Variants in SPAG16 observed in about 807,000 individuals in gnomAD.
The protein encoded by SPAG16 is sperm associated antigen 16, also known as sperm-associated antigen 16 protein.
A neutral mutation model predicts 80.4 loss-of-function variants in SPAG16; 86 were observed. The ratio of observed to expected loss-of-function variants is 1.07; its 90% CI spans 0.90 to 1.28. The LOEUF (loss-of-function observed/expected upper bound fraction) is 1.28, where lower values mean the gene tolerates loss of function less well. Among genes scored for constraint, SPAG16 ranks in the 50% most tolerant of loss-of-function variants. The pLI is 0.00. For missense variants in SPAG16, 870 were observed against 765.3 expected (o/e 1.14, Z -1.61); for synonymous variants, 294 against 265.9 (o/e 1.11, Z -1.03).
chr2:213,928,439 A>G (rs1281542059), intron 11 of SPAG16, among the ~76,000 whole-genome samples: 2 of 151,780 alleles, frequency 1.3e-5, no homozygotes, highest in African/African-American at 4.8e-5. Context: ...TCATTATATA[A>G]TCCACCTTCT....
chr2:213,914,416 A>G (rs993063673), intron 11 of SPAG16, among the ~76,000 whole-genome samples: 1 of 152,038 alleles, frequency 6.6e-6, no homozygotes, highest in Non-Finnish European at 1.5e-5. Flanking sequence ...CTTAGCAGAA[A>G]TTTATTTATT....
intron 9 of SPAG16, among the ~76,000 whole-genome samples, chr2:213,416,089 A>T (rs1011927708): frequency 6.6e-6 from 1 of 152,242 alleles, no homozygotes; most frequent in Non-Finnish European, 1.5e-5. Flanking sequence ...GATGAGCAGG[A>T]TGTCACATAC....
intron 5 of SPAG16, among the ~76,000 whole-genome samples, chr2:213,335,401 T>C (rs1304883023): frequency 6.6e-6 from 1 of 152,150 alleles, no homozygotes; most frequent in Non-Finnish European, 1.5e-5. Context: ...TATGTAACTG[T>C]TACACTAAAA....
intron 9 of SPAG16, among the ~76,000 whole-genome samples, chr2:213,433,183 T>A (rs1470440250): frequency 6.6e-6 from 1 of 152,160 alleles, no homozygotes; most frequent in Non-Finnish European, 1.5e-5. Flanking sequence ...GCAATCCCTC[T>A]AAGAACTAGA....
chr2:214,039,593 C>G (rs1173761441), intron 13 of SPAG16, among the ~76,000 whole-genome samples: 1 of 152,168 alleles, frequency 6.6e-6, no homozygotes, highest in African/African-American at 2.4e-5. Context: ...TGAACTCCAA[C>G]AAATTTACAA....
intron 9 of SPAG16, among the ~76,000 whole-genome samples, chr2:213,432,778 G>C (rs890856318): frequency 6.6e-6 from 1 of 152,066 alleles, no homozygotes; most frequent in Non-Finnish European, 1.5e-5. Flanking sequence ...TGATACCAAA[G>C]ACCAGAGAGG....
intron 15 of SPAG16, among the ~76,000 whole-genome samples, chr2:214,269,973 T>C (rs76206873): frequency 6.6e-6 from 1 of 150,644 alleles, no homozygotes; most frequent in African/African-American, 2.4e-5. Context: ...GAGACAGAAC[T>C]TGGATTAAAG....
intron 9 of SPAG16, among the ~76,000 whole-genome samples, chr2:213,423,210 C>T (rs1187445664): frequency 6.6e-6 from 1 of 152,098 alleles, no homozygotes; most frequent in African/African-American, 2.4e-5. Flanking sequence ...CTATCTAAAA[C>T]CTGAATGTTC....
At chr2:213,468,017 G>A (rs1181741983) in intron 9 of SPAG16, among the ~76,000 whole-genome samples, 1 of 152,114 alleles carries the variant, frequency 6.6e-6, no homozygotes, top group African/African-American at 2.4e-5. Flanking sequence ...GACCAAAGTA[G>A]CCACTTTCAG....
intron 14 of SPAG16, among the ~76,000 whole-genome samples, chr2:214,119,773 C>T (rs1439133259): frequency 2.6e-5 from 4 of 152,064 alleles, no homozygotes; most frequent in East Asian, 1.9e-4. Context: ...ACGATAGTCT[C>T]TCATAGTTCT....
At chr2:213,304,529 T>C (rs1313495215) in intron 3 of SPAG16, among the ~76,000 whole-genome samples, 11 of 152,158 alleles carry the variant, frequency 7.2e-5, no homozygotes, top group Non-Finnish European at 1.5e-4. Context: ...TTTAAGTCTT[T>C]AATCCATTTT....
rs188795954 is a variant in SPAG16, at chr2:213,924,834, T to G, written c.1215-5126T>G. 1.2e-4 allele frequency among the ~76,000 whole-genome samples: 18 copies of G among 152,282 alleles called. No individual in the cohort carries two copies. The East Asian group carries it at 3.5e-3, about 29-fold the overall frequency. On this transcript the variant is annotated intron_variant, in intron 11 of 15. Coordinates refer to ENST00000331683, the MANE Select transcript of SPAG16 (RefSeq NM_024532.5). ...GTGTTTGTTGGATTTGTTCATATGT[T>G]TGTATTTCTATCTAAAAACTTATTT...
chr2:213,433,911 TTG>T (rs1491005092), intron 9 of SPAG16, among the ~76,000 whole-genome samples: 53 of 132,936 alleles, frequency 4.0e-4, no homozygotes, highest in Non-Finnish European at 7.4e-4. Flanking sequence ...TCCTTTTTCT[TTG>T]TCTTTTTTTT....
At chr2:214,074,810 A>G (rs1363664072) in intron 13 of SPAG16, among the ~76,000 whole-genome samples, 1 of 152,226 alleles carries the variant, frequency 6.6e-6, no homozygotes, top group Non-Finnish European at 1.5e-5. Flanking sequence ...GTCATCAAGG[A>G]AATGTCCTTT....
At chr2:213,525,284 C>CTTTTTTTTT (rs71060436) in intron 10 of SPAG16, among the ~76,000 whole-genome samples, 4 of 100,338 alleles carry the variant, frequency 4.0e-5, no homozygotes, top group South Asian at 3.4e-4. Flanking sequence ...TTTTCCTTTT[C>CTTTTTTTTT]TTTTTTTTTT....
chr2:214,222,110 C>CTTTTTTTTTTT lies in SPAG16; in HGVS notation c.1720+72857_1720+72867dup, dbSNP rs10694178. On this transcript the variant is annotated intron_variant, in intron 15 of 15. Coordinates refer to ENST00000331683, the MANE Select transcript of SPAG16 (RefSeq NM_024532.5). ...TTGAGAAATTAGTTTCCTTGCTATT[C>CTTTTTTTTTTT]TTTTTTTTTTTTTTTTTTTTTTTGA... Among the ~76,000 whole-genome samples, 27 of 103,624 alleles carry CTTTTTTTTTTT rather than the reference C, an allele frequency of 2.6e-4. 1 individual carries two copies. The highest frequency in any genetic ancestry group is 4.6e-4 in the Non-Finnish European group (25 of 54,474). 68.0% of individuals were successfully genotyped at this position (103,624 alleles called of 152,430 possible). A position where few individuals can be genotyped will look rare whatever the true frequency, so the allele number is the denominator to read the frequency against.
intron 12 of SPAG16, among the ~76,000 whole-genome samples, chr2:213,993,302 T>A (rs1449510146): frequency 1.3e-5 from 2 of 152,190 alleles, no homozygotes; most frequent in African/African-American, 4.8e-5. Flanking sequence ...AGCATCAAGG[T>A]CAATATCCCA....
chr2:213,617,274 C>T (rs2061629149), intron 10 of SPAG16, among the ~76,000 whole-genome samples: 1 of 152,082 alleles, frequency 6.6e-6, no homozygotes, highest in South Asian at 2.1e-4. Context: ...CATTTAAATG[C>T]TGATGATGGG....
At position 213,811,798 on chromosome 2, in the gene SPAG16, A is replaced by G. The variant is rs7576672; in HGVS notation, c.1071-50687A>G. ...TCCTAACATAAAATCAGCACTATGG[A>G]TAAGATTGCTGAGACAGATAGCTTT... is the stretch of plus-strand genomic sequence containing the variant. On this transcript the variant is annotated intron_variant, in intron 10 of 15. Transcript: ENST00000331683. Among the ~76,000 whole-genome samples, 272 of 152,190 alleles carry G rather than the reference A, an allele frequency of 1.8e-3. 2 individuals carry two copies. The highest frequency in any genetic ancestry group is 3.1e-3 in the Admixed American group (47 of 15,262).
Sources: allele counts gnomAD v4.1 joint callset (sites outside exome capture counted in the v4.1 genomes callset), GRCh38; gene constraint gnomAD v4.1.1; transcripts MANE v1.5; gene names NCBI Gene and HGNC (gene_info 2026-07-23, HGNC 2026-07-21).